The following MORC4 variants were observed in gnomAD, a reference collection of about 807,000 sequenced individuals.
MORC4 encodes MORC family CW-type zinc finger 4.
MORC4 carries 22 observed loss-of-function variants against 65.5 expected under a neutral mutation model. The observed-to-expected ratio is 0.34, with a 90% CI of 0.24 to 0.48. The LOEUF (loss-of-function observed/expected upper bound fraction) is 0.48. Ranked by LOEUF, MORC4 falls within the 20% of genes least tolerant of loss-of-function variation. The pLI, the probability that MORC4 is intolerant of heterozygous loss-of-function variation, is 0.99. For synonymous variants in MORC4, 267 were observed against 255.8 expected (o/e 1.04, Z -0.42); for missense variants, 624 against 703.0 (o/e 0.89, Z 1.27).
chrX:106,967,524 T>C (rs949316684), intron 9 of MORC4, among the ~76,000 whole-genome samples: 4 of 111,701 alleles, frequency 3.6e-5, no homozygotes, highest in African/African-American at 1.3e-4. Context: ...TACTCTGAGC[T>C]AAAGGAAATG....
intron 7 of MORC4, among the ~76,000 whole-genome samples, chrX:106,979,389 G>C (rs1934695108): frequency 9.0e-6 from 1 of 111,365 alleles, no homozygotes; most frequent in African/African-American, 3.2e-5. Context: ...AATTATCTTT[G>C]TAAAGATAAA....
intron 2 of MORC4, 129 bp downstream of exon 2, chrX:106,999,548 C>G: frequency 2.6e-5 from 13 of 492,442 alleles, no homozygotes; most frequent in Admixed American, 6.0e-5. Flanking sequence ...GGAGCCGGGG[C>G]CGGTTCCGAG....
At chrX:106,971,305 A>G (rs1243708455) in intron 9 of MORC4, among the ~76,000 whole-genome samples, 1 of 112,177 alleles carries the variant, frequency 8.9e-6, no homozygotes, top group African/African-American at 3.2e-5. Context: ...CACCTTATAC[A>G]AAAATCAACT....
At chrX:106,992,682 T>C (rs959179658) in intron 3 of MORC4, among the ~76,000 whole-genome samples, 1 of 112,237 alleles carries the variant, frequency 8.9e-6, no homozygotes, top group Non-Finnish European at 1.9e-5. Context: ...TGCATGGGGT[T>C]TGATTATACC....
chrX:106,993,505 G>A, intron 2 of MORC4, 143 bp from the exon 3 acceptor site: 2 of 503,014 alleles, frequency 4.0e-6, no homozygotes, highest in Non-Finnish European at 6.2e-6. Context: ...AGCATTAACG[G>A]TAGTGCACTT....
At chrX:106,992,585 TA>T (rs1935002946) in intron 3 of MORC4, among the ~76,000 whole-genome samples, 1 of 113,003 alleles carries the variant, frequency 8.8e-6, no homozygotes, top group African/African-American at 3.2e-5. Flanking sequence ...GCACAAGCTT[TA>T]ACAGTTAGAA....
In MORC4 at chrX:106,985,974, A is replaced by G; in HGVS notation, c.526+9T>C. 8 of 1,186,463 alleles carry G rather than the reference A, an allele frequency of 6.7e-6. No individual in the cohort carries two copies. The highest frequency in any genetic ancestry group is 9.1e-6 in the Non-Finnish European group (8 of 876,016). On this transcript the variant is annotated intron_variant, in intron 4 of 16. Coordinates refer to ENST00000355610, the MANE Select transcript of MORC4 (RefSeq NM_024657.5). ...TTTAACCAACATTCTCCATTTCCAG[A>G]AAGGATATTGTTTTGCTGGTTGAAT... is the stretch of plus-strand genomic sequence containing the variant.
intron 13 of MORC4, 137 bp downstream of exon 13, chrX:106,956,343 T>C (rs1285413621): frequency 1.7e-6 from 1 of 593,363 alleles, no homozygotes; most frequent in Non-Finnish European, 2.8e-6. Context: ...AACCAAAAGA[T>C]TCAATGAAAA....
intron 9 of MORC4, among the ~76,000 whole-genome samples, chrX:106,976,013 G>A (rs1182578684): frequency 9.0e-6 from 1 of 111,199 alleles, no homozygotes; most frequent in Non-Finnish European, 1.9e-5. Context: ...TCTCCCTCTC[G>A]ACATTTTTTA....
At chrX:106,951,039 T>C (rs989247774) in intron 14 of MORC4, among the ~76,000 whole-genome samples, 5 of 112,032 alleles carry the variant, frequency 4.5e-5, no homozygotes, top group African/African-American at 1.6e-4. Context: ...AGTTATTTAT[T>C]GGTGACAGAG....
chrX:106,960,101 T>C (rs1049310050), intron 10 of MORC4, among the ~76,000 whole-genome samples: 2 of 112,124 alleles, frequency 1.8e-5, no homozygotes. Flanking sequence ...CTGGTGTCTA[T>C]ATATTTCTAG....
intron 14 of MORC4, among the ~76,000 whole-genome samples, chrX:106,951,581 G>A (rs1452964432): frequency 1.8e-5 from 2 of 110,945 alleles, no homozygotes. Context: ...TGTTGCCCAG[G>A]CTAGTCTCGA....
intron 5 of MORC4, 121 bp downstream of exon 5, chrX:106,984,975 C>A (rs1934837902): frequency 1.7e-6 from 1 of 593,373 alleles, no homozygotes; most frequent in Admixed American, 4.1e-5. Context: ...TCGAGACCAG[C>A]CTGGGCAACA....
At chrX:106,995,024 T>G (rs767923083) in intron 2 of MORC4, among the ~76,000 whole-genome samples, 1 of 111,781 alleles carries the variant, frequency 8.9e-6, no homozygotes, top group African/African-American at 3.3e-5. Flanking sequence ...TTCTAGCTAT[T>G]TGAAAATATA....
chrX:106,982,484 T>C (rs1934768779), intron 5 of MORC4, among the ~76,000 whole-genome samples: 1 of 111,882 alleles, frequency 8.9e-6, no homozygotes, highest in Non-Finnish European at 1.9e-5. Flanking sequence ...TAGCTTATTA[T>C]GGATTTTCCA....
chrX:106,981,887 T>G (rs1934751256), intron 5 of MORC4, among the ~76,000 whole-genome samples: 1 of 111,977 alleles, frequency 8.9e-6, no homozygotes, highest in Admixed American at 9.5e-5. Flanking sequence ...TTCTACCAAC[T>G]TCAGACTAAT....
Position 106,947,571 on chromosome X carries a change from T to TATA in MORC4, c.1686-4367_1686-4366insTAT, listed in dbSNP as rs1555982139. On this transcript the variant is annotated intron_variant, in intron 14 of 16. Transcript: ENST00000355610. ...CCTGTAGTTAATCTATATATATATA[T>TATA]TATATATATATATATATATAATATA... Among the ~76,000 whole-genome samples, 679 of 77,909 alleles carry TATA rather than the reference T, an allele frequency of 8.7e-3. 8 individuals carry two copies. The highest frequency in any genetic ancestry group is 0.013 in the Non-Finnish European group (551 of 42,860). The allele number at this position is 77,909 out of a possible 115,157, so 67.7% of individuals were successfully genotyped here. A position where few individuals can be genotyped will look rare whatever the true frequency, so the allele number is the denominator to read the frequency against.
chrX:106,985,017 A>G (rs1326513085), intron 5 of MORC4, 79 bp downstream of exon 5: 1 of 930,867 alleles, frequency 1.1e-6, no homozygotes, highest in Non-Finnish European at 1.4e-6. Context: ...TAAAAATTTT[A>G]AAAGTTAAAA....
chrX:106,947,452 CTA>C, intron 14 of MORC4, among the ~76,000 whole-genome samples: 2 of 104,171 alleles, frequency 1.9e-5, no homozygotes, highest in Middle Eastern at 5.1e-3. Flanking sequence ...AAGTCTCCAA[CTA>C]TTATTGTTGA....
Sources: allele counts gnomAD v4.1 joint callset (sites outside exome capture counted in the v4.1 genomes callset), GRCh38; gene constraint gnomAD v4.1.1; transcripts MANE v1.5; gene names NCBI Gene and HGNC (gene_info 2026-07-23, HGNC 2026-07-21).